Variants in TRMT9B observed in about 807,000 individuals in gnomAD.
TRMT9B encodes the protein probable tRNA methyltransferase 9B.
TRMT9B carries 16 observed loss-of-function variants against 11.5 expected under a neutral mutation model. That is an observed-to-expected ratio of 1.39 (90% CI 0.94 to 2.11). The LOEUF is 2.11. Ranked by LOEUF, TRMT9B falls within the 30% of genes most tolerant of loss-of-function variation. The pLI, the probability that TRMT9B is intolerant of heterozygous loss-of-function variation, is 0.00. For missense variants in TRMT9B, 941 were observed against 553.8 expected, an observed-to-expected ratio of 1.70 and a Z score of -7.02; for synonymous variants, 274 against 192.4, an observed-to-expected ratio of 1.42 and a Z score of -3.51.
intron 2 of TRMT9B, among the ~76,000 whole-genome samples, chr8:13,000,655 T>G (rs1373393828): frequency 6.6e-6 from 1 of 152,152 alleles, no homozygotes; most frequent in South Asian, 2.1e-4. Flanking sequence ...ATTTTGGGGG[T>G]TTGTTTTAAG....
chr8:12,973,411 G>A (rs191676383), intron 1 of TRMT9B, among the ~76,000 whole-genome samples: 7 of 152,338 alleles, frequency 4.6e-5, no homozygotes, highest in Middle Eastern at 3.4e-3. Flanking sequence ...CACTGCAGAT[G>A]AGATCTCAGA....
At chr8:12,960,039 A>T (rs1801879712) in intron 1 of TRMT9B, 1 of 152,210 alleles carries the variant, frequency 6.6e-6, no homozygotes, top group Non-Finnish European at 1.5e-5. Flanking sequence ...ATGGAAGTGG[A>T]GACATCAAAT....
chr8:12,986,214 T>A (rs1485800416), intron 1 of TRMT9B, among the ~76,000 whole-genome samples: 2 of 152,204 alleles, frequency 1.3e-5, no homozygotes, highest in African/African-American at 4.8e-5. Context: ...TCTGAGTTTG[T>A]TGTCCTTCAG....
chr8:12,967,485 G>T (rs1199301938), intron 1 of TRMT9B, among the ~76,000 whole-genome samples: 2 of 152,114 alleles, frequency 1.3e-5, no homozygotes, highest in African/African-American at 4.8e-5. Flanking sequence ...ATTTTTCTTG[G>T]GTTAAAGTTG....
At chr8:12,981,142 A>G (rs1805305708) in intron 1 of TRMT9B, among the ~76,000 whole-genome samples, 1 of 152,182 alleles carries the variant, frequency 6.6e-6, no homozygotes, top group Admixed American at 6.5e-5. Flanking sequence ...TGATTTAGAA[A>G]AGGAGCTTGT....
At chr8:13,000,019 T>C (rs556380448) in intron 2 of TRMT9B, among the ~76,000 whole-genome samples, 8 of 152,334 alleles carry the variant, frequency 5.3e-5, no homozygotes, top group Non-Finnish European at 1.5e-5. Flanking sequence ...GATCTAGATA[T>C]TCTACAGTTC....
At chr8:13,009,837 A>G (rs1811254732) in intron 3 of TRMT9B, among the ~76,000 whole-genome samples, 1 of 152,146 alleles carries the variant, frequency 6.6e-6, no homozygotes, top group African/African-American at 2.4e-5. Context: ...TACAAATTAC[A>G]CTACAGATAG....
rs968747458 is a variant in TRMT9B at position 12,991,756 on chromosome 8, C to T, written c.-2+725C>T. ...AAGACCAGCCTGGCCAACATGGTGA[C>T]CCCGTCTCTACTAAAAATGCACAAC... On this transcript the variant is annotated intron_variant, in intron 2 of 4. Transcript: ENST00000524591. Among the ~76,000 whole-genome samples, 5 of 151,952 alleles carry T rather than the reference C, an allele frequency of 3.3e-5. No homozygotes were observed. The South Asian group carries it at 1.0e-3, about 32-fold the overall frequency.
chr8:12,959,255 G>A (rs1416888324), intron 1 of TRMT9B, among the ~76,000 whole-genome samples: 1 of 152,050 alleles, frequency 6.6e-6, no homozygotes, highest in Non-Finnish European at 1.5e-5. Flanking sequence ...AAATTTTTGA[G>A]CACTAATATG....
chr8:12,998,899 A>G (rs7846514), intron 2 of TRMT9B, among the ~76,000 whole-genome samples: 17,919 of 152,280 alleles, frequency 0.12, 1,113 homozygotes, highest in African/African-American at 0.14. Context: ...TTTATTTGTC[A>G]ACACATCAAA....
intron 2 of TRMT9B, among the ~76,000 whole-genome samples, chr8:12,992,666 A>G (rs1264107218): frequency 6.6e-6 from 1 of 152,004 alleles, no homozygotes; most frequent in Non-Finnish European, 1.5e-5. Context: ...AGCCTGGGCA[A>G]CATGGTGAAA....
intron 1 of TRMT9B, among the ~76,000 whole-genome samples, chr8:12,986,883 T>C (rs1806402075): frequency 6.6e-6 from 1 of 152,214 alleles, no homozygotes; most frequent in African/African-American, 2.4e-5. Flanking sequence ...AACCAAGTTC[T>C]TTCTCTGCCT....
intron 1 of TRMT9B, among the ~76,000 whole-genome samples, chr8:12,981,809 G>A (rs1247606899): frequency 2.0e-5 from 3 of 151,900 alleles, no homozygotes; most frequent in African/African-American, 7.3e-5. Flanking sequence ...AAGTTGCCCA[G>A]GCTTATCTCA....
rs1371322707 is a variant in TRMT9B, at chr8:13,006,289, C to A, written c.87C>A (p.Ser29Arg). 6.2e-7 allele frequency: 1 copy of A among 1,613,968 alleles called. No individual in the cohort carries two copies. Among genetic ancestry groups the A allele is most frequent in the Non-Finnish European group, 8.5e-7 (1 of 1,179,876 alleles). ...STAPYFSDLQSKAWPRVRQFL... is the reference protein window; with the variant it reads ...STAPYFSDLQRKAWPRVRQFL... Reference sequence around the variant, plus strand: ...CCCCTTACTTCAGCGACCTGCAGAGCAAAGCCTGGCCTCGTGTCCGCCAGT... The same window carrying A: ...CCCCTTACTTCAGCGACCTGCAGAGAAAAGCCTGGCCTCGTGTCCGCCAGT... The change falls in exon 3 of 5, where the codon AGC becomes AGA. Residue 29 changes from serine to arginine, a missense_variant. Physicochemically the swap from Ser to Arg is moderately radical, Grantham distance 110. Transcript: ENST00000524591.
At chr8:13,010,086 C>CGAGAT (rs1168152293) in intron 3 of TRMT9B, among the ~76,000 whole-genome samples, 3 of 150,740 alleles carry the variant, frequency 2.0e-5, no homozygotes, top group Non-Finnish European at 4.4e-5. Flanking sequence ...TGCAGTGAGC[C>CGAGAT]GAGATGGTGC....
intron 1 of TRMT9B, among the ~76,000 whole-genome samples, chr8:12,963,223 G>T (rs1453287712): frequency 6.6e-6 from 1 of 152,126 alleles, no homozygotes; most frequent in Non-Finnish European, 1.5e-5. Context: ...CATGAGGTCA[G>T]GAGTTTGAGA....
At chr8:12,948,954 C>G (rs1488764922) in intron 1 of TRMT9B, among the ~76,000 whole-genome samples, 1 of 152,042 alleles carries the variant, frequency 6.6e-6, no homozygotes, top group Non-Finnish European at 1.5e-5. Flanking sequence ...GGCAAGACTC[C>G]GTTTCAAAAA....
At chr8:13,020,940 C>T in intron 4 of TRMT9B, 68 bp from the exon 5 acceptor site, 1 of 1,045,294 alleles carries the variant, frequency 9.6e-7, no homozygotes, top group Non-Finnish European at 1.4e-6. Flanking sequence ...ATATGGTAAA[C>T]ACCAGTGTAT....
In TRMT9B at chr8:13,021,355, T is replaced by G; in HGVS notation, c.676T>G (p.Phe226Val). ...GYEPAMARTC[F>V]ANISKEGEEE... Reference sequence around the variant, plus strand: ...TGAACCTGCTATGGCAAGAACCTGTTTTGCAAATATTTCTAAGGAAGGCGA... The same window carrying G: ...TGAACCTGCTATGGCAAGAACCTGTGTTGCAAATATTTCTAAGGAAGGCGA... The change falls in exon 5 of 5, where the codon TTT becomes GTT. Residue 226 changes from phenylalanine to valine, a missense_variant. By Grantham distance (50) the Phe-to-Val change is conservative. Coordinates refer to ENST00000524591, the MANE Select transcript of TRMT9B (RefSeq NM_020844.3). 1 of 1,614,062 alleles carries G rather than the reference T, an allele frequency of 6.2e-7. No homozygotes were observed. Among genetic ancestry groups the G allele is most frequent in the Non-Finnish European group, 8.5e-7 (1 of 1,179,894 alleles).
Sources: gnomAD v4.1 joint callset for allele counts (sites outside exome capture counted in the v4.1 genomes callset) on GRCh38, gnomAD v4.1.1 for gene constraint, MANE v1.5 for transcripts, NCBI Gene and HGNC (gene_info 2026-07-23, HGNC 2026-07-21) for gene names.